PCDHGB2: variants seen among roughly 807,000 people sequenced by gnomAD.
PCDHGB2 encodes protocadherin gamma subfamily B, 2, also known as protocadherin gamma-B2.
PCDHGB2 carries 55 observed loss-of-function variants against 59.3 expected under a neutral mutation model. The ratio of observed to expected loss-of-function variants is 0.93; its 90% CI spans 0.75 to 1.16. The LOEUF is 1.16. Among genes scored for constraint, PCDHGB2 ranks in the 50% most tolerant of loss-of-function variants. The probability of loss-of-function intolerance (pLI) is 0.00; values close to 1 mark genes in which losing one functional copy is unlikely to be tolerated. For synonymous variants in PCDHGB2, 516 were observed against 512.0 expected (o/e 1.01, Z -0.11); for missense variants, 1,228 against 1,198.5 (o/e 1.02, Z -0.36).
chr5:141,425,843 G>A (rs2096898027), intron 1 of PCDHGB2, among the ~76,000 whole-genome samples: 1 of 152,118 alleles, frequency 6.6e-6, no homozygotes, highest in African/African-American at 2.4e-5. Flanking sequence ...TCTCTTTGCT[G>A]GGTTAATGAC....
In PCDHGB2 at chr5:141,362,328, C is replaced by A; in HGVS notation, c.2193C>A (p.Leu731=). The part of the protein sequence containing the change: ...SDAWDCFQPG[L]SSKPGPGVLP... ...CTTGGGACTGTTTTCAGCCTGGTCT[C>A]AGCTCCAAGCCTGGACCTGGGGTTC... Residue 731 remains leucine, a synonymous_variant, in exon 1 of 4, where the codon CTC becomes CTA. Coordinates refer to ENST00000522605, the MANE Select transcript of PCDHGB2 (RefSeq NM_018923.3). 6.2e-7 allele frequency: 1 copy of A among 1,614,068 alleles called. No homozygotes were observed. The highest frequency in any genetic ancestry group is 8.5e-7 in the Non-Finnish European group (1 of 1,179,908).
intron 1 of PCDHGB2, among the ~76,000 whole-genome samples, chr5:141,475,341 C>T (rs1306106224): frequency 6.6e-6 from 1 of 152,162 alleles, no homozygotes; most frequent in Non-Finnish European, 1.5e-5. Context: ...CAATGACATC[C>T]AGTTTTAAAA....
At position 141,432,646 on chromosome 5, in the gene PCDHGB2, G is replaced by A. The variant is rs780822589; in HGVS notation, c.2422-62161G>A. 9.3e-6 allele frequency: 15 copies of A among 1,613,690 alleles called. No individual in the cohort carries two copies. The highest frequency in any genetic ancestry group is 1.3e-5 in the Non-Finnish European group (15 of 1,179,944). ...TGCACACGGGCGAGGTGCGCACGGCGCGAGCCCTGCTGGACAGAGACGCGC... is the reference window on the plus strand; with the variant it reads ...TGCACACGGGCGAGGTGCGCACGGCACGAGCCCTGCTGGACAGAGACGCGC... On this transcript the variant is annotated intron_variant, in intron 1 of 3. Transcript: ENST00000522605. This position sits in a 1 kb window ranked among gnomAD's most constrained non-coding sequence, Gnocchi z 6.0.
intron 3 of PCDHGB2, among the ~76,000 whole-genome samples, chr5:141,510,424 C>T (rs2154594619): frequency 6.6e-6 from 1 of 152,236 alleles, no homozygotes; most frequent in South Asian, 2.1e-4. Flanking sequence ...GCCATGGTTT[C>T]ATGGCTGCTG....
In PCDHGB2 at chr5:141,486,649, C is replaced by G; in HGVS notation, c.2422-8158C>G. On this transcript the variant is annotated intron_variant, in intron 1 of 3. Transcript: ENST00000522605. This position sits in a 1 kb window ranked among gnomAD's most constrained non-coding sequence, Gnocchi z 5.0. The stretch of plus-strand genomic sequence containing the variant: ...CTGGCTTGAATGCGCTTATCTCCTA[C>G]TCACTCCTGGAGCCCAGGAATCGAG... The G allele has an allele frequency of 6.2e-7, 1 of 1,613,952 alleles. No individual in the cohort carries two copies. The highest frequency in any genetic ancestry group is 8.5e-7 in the Non-Finnish European group (1 of 1,180,034).
chr5:141,485,109 CTGTT>C lies in PCDHGB2; in HGVS notation c.2422-9695_2422-9692del. ...AGATAGGTGTCTCCAGCTGCTGTGG[CTGTT>C]TGGGGCGGGTCGGCTTCATCCGCGT... On this transcript the variant is annotated intron_variant, in intron 1 of 3. Transcript: ENST00000522605. This position sits in a 1 kb window ranked among gnomAD's most constrained non-coding sequence, Gnocchi z 5.7. 8.1e-7 allele frequency: 1 copy of C among 1,230,964 alleles called. No individual in the cohort carries two copies. Among genetic ancestry groups the C allele is most frequent in the Non-Finnish European group, 1.2e-6 (1 of 850,026 alleles). The allele number at this position is 1,230,964 out of a possible 1,614,324, so 76.3% of individuals were successfully genotyped here.
At chr5:141,398,534 A>T in intron 1 of PCDHGB2, 1 of 1,613,768 alleles carries the variant, frequency 6.2e-7, no homozygotes, top group South Asian at 1.1e-5. Flanking sequence ...TTCACGCAAA[A>T]TTCCTTTGAG....
chr5:141,377,011 C>T (rs911303450), intron 1 of PCDHGB2: 6 of 155,270 alleles, frequency 3.9e-5, no homozygotes, highest in Non-Finnish European at 5.7e-5. Context: ...TATTGGTTGA[C>T]AGGAAAATTC....
chr5:141,384,158 T>A (rs1449699621), intron 1 of PCDHGB2: 1 of 1,613,550 alleles, frequency 6.2e-7, no homozygotes, highest in Non-Finnish European at 8.5e-7. Flanking sequence ...TTGTATAACA[T>A]CACACTGAAA....
In PCDHGB2 at chr5:141,404,896, C is replaced by T. The variant is rs182502698; in HGVS notation, c.2421+42340C>T. ...AGAGCCTTGTGGTGGCTGTACAGGA[C>T]CATGGCCAGCCCCCTCTCTCGGCCA... On this transcript the variant is annotated intron_variant, in intron 1 of 3. Transcript: ENST00000522605. The T allele has an allele frequency of 3.7e-5, 59 of 1,613,884 alleles. No homozygotes were observed. The Admixed American group carries it at 8.3e-4, about 23-fold the overall frequency.
chr5:141,399,091 G>A (rs1299050213), intron 1 of PCDHGB2: 2 of 1,613,762 alleles, frequency 1.2e-6, no homozygotes, highest in South Asian at 1.1e-5. Context: ...GGATGGTGGT[G>A]GACTGGTTGC....
rs1265360670 is a variant in PCDHGB2, at chr5:141,435,001, T to A, written c.2422-59806T>A. On this transcript the variant is annotated intron_variant, in intron 1 of 3. Transcript: ENST00000522605. ...TACTCTATATCATTTTCTAGCTGAATTTATCAATGATAATGCTCTTTTCCC... is the reference window on the plus strand; with the variant it reads ...TACTCTATATCATTTTCTAGCTGAAATTATCAATGATAATGCTCTTTTCCC... Among the ~76,000 whole-genome samples the A allele has an allele frequency of 3.9e-5, 6 of 152,120 alleles. No homozygotes were observed. In the East Asian group the frequency reaches 1.2e-3, roughly 29 times the overall value.
In PCDHGB2 at chr5:141,408,231, G is replaced by A. The variant is rs775180708; in HGVS notation, c.2421+45675G>A. On this transcript the variant is annotated intron_variant, in intron 1 of 3. Coordinates refer to ENST00000522605, the MANE Select transcript of PCDHGB2 (RefSeq NM_018923.3). ...GGAGGGAGCTGCGCGCAGAGGCGCC[G>A]GGCCGGCCCGCGGCAGGTGCTATTT... 5 of 1,567,976 alleles carry A rather than the reference G, an allele frequency of 3.2e-6. No individual in the cohort carries two copies. In the African/African-American group the frequency reaches 5.4e-5, roughly 17 times the overall value.
chr5:141,487,033 A>T lies in PCDHGB2; in HGVS notation c.2422-7774A>T, dbSNP rs1465525110. ...AGGCCCCAGATCCCAGCCTGTTTGC[A>T]GTCTCTCGATATGCTGGGGAGGTGC... On this transcript the variant is annotated intron_variant, in intron 1 of 3. Coordinates refer to ENST00000522605, the MANE Select transcript of PCDHGB2 (RefSeq NM_018923.3). This position sits in a 1 kb window ranked among gnomAD's most constrained non-coding sequence, Gnocchi z 5.0. The T allele has an allele frequency of 6.2e-7, 1 of 1,614,042 alleles. No homozygotes were observed. The highest frequency in any genetic ancestry group is 8.5e-7 in the Non-Finnish European group (1 of 1,180,040).
At chr5:141,421,578 T>C in intron 1 of PCDHGB2, 4 of 1,613,886 alleles carry the variant, frequency 2.5e-6, no homozygotes, top group Non-Finnish European at 3.4e-6. Flanking sequence ...CCTTGAAGAT[T>C]TACGGAGTGG....
chr5:141,408,873 CCACCG>C (rs776180805), intron 1 of PCDHGB2: 50 of 1,613,104 alleles, frequency 3.1e-5, no homozygotes, highest in Non-Finnish European at 4.1e-5. Context: ...CCAAGAAGTG[CCACCG>C]CTCACATAGA....
intron 1 of PCDHGB2, chr5:141,419,506 C>T (rs527369615): frequency 6.2e-7 from 1 of 1,612,352 alleles, no homozygotes; most frequent in Non-Finnish European, 8.5e-7. Context: ...TGAGCCTGCG[C>T]GTGTTGGTGG....
At chr5:141,384,943 G>T in intron 1 of PCDHGB2, 1 of 1,613,996 alleles carries the variant, frequency 6.2e-7, no homozygotes, top group Non-Finnish European at 8.5e-7. Flanking sequence ...TGAGCCCTCC[G>T]ACGGTCCTTA....
At chr5:141,399,597 C>A in intron 1 of PCDHGB2, 3 of 1,613,958 alleles carry the variant, frequency 1.9e-6, no homozygotes, top group Non-Finnish European at 2.5e-6. Context: ...TCATGGCCAG[C>A]GACCTAGAGC....
Sources: gnomAD v4.1 joint callset for allele counts (sites outside exome capture counted in the v4.1 genomes callset) on GRCh38, gnomAD v4.1.1 for gene constraint, Gnocchi (gnomAD v3.1) non-coding constraint, MANE v1.5 for transcripts, NCBI Gene and HGNC (gene_info 2026-07-23, HGNC 2026-07-21) for gene names.